TMEM178B: variants seen among roughly 807,000 people sequenced by gnomAD.
The protein encoded by TMEM178B is transmembrane protein 178B.
A neutral mutation model predicts 31.0 loss-of-function variants in TMEM178B; 5 were observed. The observed-to-expected ratio is 0.16, with a 90% CI of 0.08 to 0.34. The LOEUF (loss-of-function observed/expected upper bound fraction) is 0.34, where lower values mean the gene tolerates loss of function less well. TMEM178B is among the 10% of genes least tolerant of loss of function. The pLI is 1.00. For synonymous variants in TMEM178B, 164 were observed against 164.0 expected (o/e 1.00, Z 0.00); for missense variants, 275 against 400.3 (o/e 0.69, Z 2.67).
At chr7:141,457,386 G>C (rs1010061059) in intron 3 of TMEM178B, among the ~76,000 whole-genome samples, 1 of 152,018 alleles carries the variant, frequency 6.6e-6, no homozygotes, top group Non-Finnish European at 1.5e-5. Context: ...ATTTCCATAG[G>C]CATATATATG....
intron 2 of TMEM178B, among the ~76,000 whole-genome samples, chr7:141,380,130 G>A (rs893958001): frequency 3.9e-5 from 6 of 152,144 alleles, no homozygotes; most frequent in Non-Finnish European, 8.8e-5. Context: ...AAAATGTTGA[G>A]GTCTAGATGT....
intron 3 of TMEM178B, among the ~76,000 whole-genome samples, chr7:141,464,984 TTAGGCCCAAACCCCAATTCA>T (rs1409998333): frequency 1.3e-5 from 2 of 152,196 alleles, no homozygotes; most frequent in Non-Finnish European, 2.9e-5. Flanking sequence ...CTGAATGGGA[TTAGGCCCAAACCCCAATTCA>T]TAGTGGGCGT....
At chr7:141,218,337 G>A (rs1444622049) in intron 2 of TMEM178B, among the ~76,000 whole-genome samples, 2 of 152,156 alleles carry the variant, frequency 1.3e-5, no homozygotes, top group Non-Finnish European at 2.9e-5. Flanking sequence ...GGGAGCAGTG[G>A]GGATGGAGGA....
At chr7:141,175,074 C>T (rs1002456126) in intron 1 of TMEM178B, among the ~76,000 whole-genome samples, 2 of 152,086 alleles carry the variant, frequency 1.3e-5, no homozygotes, top group African/African-American at 4.8e-5. Context: ...AGGTTTTCTT[C>T]TAGGGTTTTT....
chr7:141,312,310 T>C (rs1389055619), intron 2 of TMEM178B, among the ~76,000 whole-genome samples: 1 of 152,256 alleles, frequency 6.6e-6, no homozygotes, highest in Non-Finnish European at 1.5e-5. Flanking sequence ...CAGAGTTTTC[T>C]GTCTTAGTGA....
rs191920006 is a variant in TMEM178B at position 141,403,606 on chromosome 7, T to C, written c.497-34002T>C. On this transcript the variant is annotated intron_variant, in intron 2 of 3. Transcript: ENST00000565468. ...CAAGATGCTCAATATCTGTGTCTCA[T>C]TGCGAAATGGGAATAATAATGGTCT... Among the ~76,000 whole-genome samples, 152 of 152,342 alleles carry C rather than the reference T, an allele frequency of 1.0e-3. 1 individual carries two copies. Among genetic ancestry groups the C allele is most frequent in the African/African-American group, 3.5e-3 (147 of 41,574 alleles).
intron 2 of TMEM178B, among the ~76,000 whole-genome samples, chr7:141,222,950 A>G (rs140389446): frequency 9.8e-5 from 15 of 152,310 alleles, no homozygotes; most frequent in Non-Finnish European, 1.9e-4. Context: ...TAAGAATGCA[A>G]TTTAGACACA....
chr7:141,229,564 GA>G (rs954144231), intron 2 of TMEM178B, among the ~76,000 whole-genome samples: 7 of 151,800 alleles, frequency 4.6e-5, no homozygotes, highest in African/African-American at 9.7e-5. Flanking sequence ...AATTATTATA[GA>G]AAAAAATCAA....
downstream of TMEM178B, among the ~76,000 whole-genome samples, chr7:141,481,192 G>A (rs919773740): frequency 1.1e-4 from 17 of 152,310 alleles, no homozygotes; most frequent in East Asian, 9.7e-4. Flanking sequence ...AATCCCCAGG[G>A]CCCTTCCTCT....
At chr7:141,083,024 TAGTA>T (rs1794711959) in intron 1 of TMEM178B, among the ~76,000 whole-genome samples, 1 of 152,228 alleles carries the variant, frequency 6.6e-6, no homozygotes, top group Non-Finnish European at 1.5e-5. Context: ...TCTTTGCTAT[TAGTA>T]AGTAATCCTA....
the TMEM178B span, among the ~76,000 whole-genome samples, chr7:141,508,272 A>T: frequency 1.3e-5 from 2 of 152,182 alleles, no homozygotes; most frequent in Non-Finnish European, 2.9e-5. Context: ...ACATAACAAG[A>T]GTCACCTTTA....
At chr7:141,195,459 C>T (rs1235459506) in intron 1 of TMEM178B, among the ~76,000 whole-genome samples, 1 of 152,214 alleles carries the variant, frequency 6.6e-6, no homozygotes, top group Non-Finnish European at 1.5e-5. Context: ...CACCTTTACT[C>T]CAGTTCCCAA....
At position 141,478,926 on chromosome 7, in the gene TMEM178B, C is replaced by T. The variant is rs1332824703; in HGVS notation, c.*8140C>T. 6.6e-6 allele frequency: 1 copy of T among 152,148 alleles called. No homozygotes were observed. The highest frequency in any genetic ancestry group is 2.4e-5 in the African/African-American group (1 of 41,422). 9.4% of individuals were successfully genotyped at this position (152,148 alleles called of 1,614,324 possible). On this transcript the variant is annotated 3_prime_UTR_variant, in exon 4 of 4. Coordinates refer to ENST00000565468, the MANE Select transcript of TMEM178B (RefSeq NM_001195278.2). ...CAGGAGTGAGTCTTATTATGTTGGC[C>T]TAGAGTAGAAAGCACAGAGCTATGT...
chr7:141,403,005 A>G (rs182156514), intron 2 of TMEM178B, among the ~76,000 whole-genome samples: 41 of 152,362 alleles, frequency 2.7e-4, no homozygotes, highest in Admixed American at 1.9e-3. Context: ...AAATGGGGAC[A>G]TGGGCATTCG....
rs1320699875 is a variant in TMEM178B at position 141,188,826 on chromosome 7, A to T, written c.383-23765A>T. On this transcript the variant is annotated intron_variant, in intron 1 of 3. Coordinates refer to ENST00000565468, the MANE Select transcript of TMEM178B (RefSeq NM_001195278.2). ...CTGGGATGCACTGCGGATTGAAGAT[A>T]AGCCTGGAGAGAATCAAGGTCACAG... is the stretch of plus-strand genomic sequence containing the variant. Among the ~76,000 whole-genome samples the T allele has an allele frequency of 3.3e-5, 5 of 152,380 alleles. No individual in the cohort carries two copies. In the East Asian group the frequency reaches 5.8e-4, roughly 18 times the overall value.
chr7:141,161,778 T>A (rs1260824913), intron 1 of TMEM178B, among the ~76,000 whole-genome samples: 1 of 151,714 alleles, frequency 6.6e-6, no homozygotes, highest in East Asian at 1.9e-4. Flanking sequence ...TGTGTGACAG[T>A]GTGTGTGTTT....
chr7:141,120,926 C>T (rs1586780794), intron 1 of TMEM178B, among the ~76,000 whole-genome samples: 3 of 152,022 alleles, frequency 2.0e-5, no homozygotes, highest in Admixed American at 6.6e-5. Flanking sequence ...GACCATGCCA[C>T]TGCACTCCAG....
chr7:141,109,740 A>G (rs1390351173), intron 1 of TMEM178B, among the ~76,000 whole-genome samples: 1 of 152,148 alleles, frequency 6.6e-6, no homozygotes, highest in African/African-American at 2.4e-5. Flanking sequence ...GTGGCAGGAG[A>G]TGGCTGTTGT....
intron 2 of TMEM178B, among the ~76,000 whole-genome samples, chr7:141,412,022 T>C (rs1563175388): frequency 6.6e-6 from 1 of 152,144 alleles, no homozygotes; most frequent in Non-Finnish European, 1.5e-5. Context: ...TCAGTGTTGT[T>C]TGGGTTTCAG....
Sources: gnomAD v4.1 joint callset for allele counts (sites outside exome capture counted in the v4.1 genomes callset) on GRCh38, gnomAD v4.1.1 for gene constraint, MANE v1.5 for transcripts, NCBI Gene and HGNC (gene_info 2026-07-23, HGNC 2026-07-21) for gene names.